The following ANKRD6 variants were observed in gnomAD, a reference collection of about 807,000 sequenced individuals.
ANKRD6 encodes ankyrin repeat domain 6, also known as ankyrin repeat domain-containing protein 6.
In ANKRD6, 56 loss-of-function variants were observed where a neutral mutation model predicts 82.3. That is an observed-to-expected ratio of 0.68 (90% CI 0.55 to 0.85). ANKRD6 has a LOEUF of 0.85. Ranked by LOEUF, ANKRD6 falls within the 40% of genes least tolerant of loss-of-function variation. The probability of loss-of-function intolerance (pLI) is 0.00; values close to 1 mark genes in which losing one functional copy is unlikely to be tolerated. For missense variants in ANKRD6, 852 were observed against 907.6 expected, an observed-to-expected ratio of 0.94 and a Z score of 0.79; for synonymous variants, 347 against 352.1, an observed-to-expected ratio of 0.99 and a Z score of 0.16.
intron 1 of ANKRD6, among the ~76,000 whole-genome samples, chr6:89,554,850 A>G (rs1786349843): frequency 6.6e-6 from 1 of 152,228 alleles, no homozygotes; most frequent in African/African-American, 2.4e-5. Flanking sequence ...CAATCCGAAG[A>G]CCAAAATTAA....
At chr6:89,566,002 T>G (rs1477272243) in intron 1 of ANKRD6, among the ~76,000 whole-genome samples, 1 of 152,252 alleles carries the variant, frequency 6.6e-6, no homozygotes, top group Admixed American at 6.5e-5. Context: ...TTTAAAATTC[T>G]CTTCATTTTG....
chr6:89,482,271 C>T (rs1197610982), intron 1 of ANKRD6, among the ~76,000 whole-genome samples: 1 of 152,184 alleles, frequency 6.6e-6, no homozygotes, highest in East Asian at 1.9e-4. Flanking sequence ...GGAATGGGAT[C>T]CAGTGAGCCA....
At chr6:89,582,051 C>CA (rs1467140686) in intron 2 of ANKRD6, among the ~76,000 whole-genome samples, 5 of 152,120 alleles carry the variant, frequency 3.3e-5, no homozygotes, top group Admixed American at 6.5e-5. Context: ...AGTTTATCAT[C>CA]AAAAATCTCT....
chr6:89,490,827 A>G (rs1395776918), intron 1 of ANKRD6, among the ~76,000 whole-genome samples: 1 of 152,102 alleles, frequency 6.6e-6, no homozygotes, highest in Non-Finnish European at 1.5e-5. Flanking sequence ...TAGTGGGTCA[A>G]ATGGTGGCCC....
chr6:89,619,642 G>C (rs1033245024), intron 9 of ANKRD6: 1 of 152,180 alleles, frequency 6.6e-6, no homozygotes, highest in Non-Finnish European at 1.5e-5. Context: ...TGCTATGAAA[G>C]TTTATTTTAT....
chr6:89,466,752 G>A (rs190174319), intron 1 of ANKRD6, among the ~76,000 whole-genome samples: 34 of 152,142 alleles, frequency 2.2e-4, no homozygotes, highest in Non-Finnish European at 4.3e-4. Flanking sequence ...TGTCACCTAG[G>A]CTAGAGTGCT....
At chr6:89,552,032 A>G (rs886527049) in intron 1 of ANKRD6, among the ~76,000 whole-genome samples, 2 of 152,254 alleles carry the variant, frequency 1.3e-5, no homozygotes, top group African/African-American at 2.4e-5. Context: ...TATGTTTGTC[A>G]TGTGACATAA....
At chr6:89,623,350 A>T (rs1302627663) in intron 10 of ANKRD6, 60 bp from the exon 11 acceptor site, 1 of 1,546,588 alleles carries the variant, frequency 6.5e-7, no homozygotes, top group East Asian at 2.3e-5. Context: ...ATTTGACCAT[A>T]TTAGTGAAAA....
intron 1 of ANKRD6, among the ~76,000 whole-genome samples, chr6:89,556,627 G>T (rs942358103): frequency 1.3e-5 from 2 of 152,188 alleles, no homozygotes; most frequent in African/African-American, 4.8e-5. Context: ...GTTAGAGACC[G>T]TTGCAATAAC....
At chr6:89,467,558 C>T (rs182303697) in intron 1 of ANKRD6, among the ~76,000 whole-genome samples, 66 of 152,310 alleles carry the variant, frequency 4.3e-4, no homozygotes, top group African/African-American at 1.5e-3. Flanking sequence ...CTGTACTTTT[C>T]AGTAGCTCCC....
At chr6:89,615,367 C>A (rs906331754) in intron 7 of ANKRD6, among the ~76,000 whole-genome samples, 2 of 152,164 alleles carry the variant, frequency 1.3e-5, no homozygotes, top group South Asian at 2.1e-4. Context: ...AGCCACTGAC[C>A]TAATCAAGTA....
At chr6:89,586,585 G>A (rs1259513113) in intron 2 of ANKRD6, among the ~76,000 whole-genome samples, 2 of 152,164 alleles carry the variant, frequency 1.3e-5, no homozygotes, top group Non-Finnish European at 2.9e-5. Flanking sequence ...TACTCGGGAG[G>A]CTGAGGCAGG....
At chr6:89,507,160 G>C (rs1364338336) in intron 1 of ANKRD6, among the ~76,000 whole-genome samples, 2 of 152,156 alleles carry the variant, frequency 1.3e-5, no homozygotes, top group Non-Finnish European at 2.9e-5. Flanking sequence ...CTGACAGGCA[G>C]ATTTTGGTTT....
intron 1 of ANKRD6, among the ~76,000 whole-genome samples, chr6:89,477,817 G>GA (rs1364864837): frequency 6.7e-6 from 1 of 148,434 alleles, no homozygotes; most frequent in Non-Finnish European, 1.5e-5. Flanking sequence ...GTGGCCAGTT[G>GA]AAAAAAATTT....
At chr6:89,507,806 TA>T (rs1780055482) in intron 1 of ANKRD6, among the ~76,000 whole-genome samples, 1 of 152,160 alleles carries the variant, frequency 6.6e-6, no homozygotes, top group Non-Finnish European at 1.5e-5. Flanking sequence ...AAAATATATA[TA>T]GTAAATGCTC....
intron 1 of ANKRD6, among the ~76,000 whole-genome samples, chr6:89,566,505 G>A (rs990555439): frequency 6.6e-6 from 1 of 152,230 alleles, no homozygotes; most frequent in Non-Finnish European, 1.5e-5. Flanking sequence ...AAGGCGGTGT[G>A]TAAACCAGGT....
At chr6:89,462,614 A>T (rs1774319097) in intron 1 of ANKRD6, among the ~76,000 whole-genome samples, 1 of 152,152 alleles carries the variant, frequency 6.6e-6, no homozygotes, top group South Asian at 2.1e-4. Context: ...TTAAGTCCTG[A>T]TCTGAGTGGG....
At position 89,495,701 on chromosome 6, in the gene ANKRD6, T is replaced by A. The variant is rs564570873; in HGVS notation, c.-144+62326T>A. ...ATCAAACAAACTCTCTCATAGGGCTTTGTAAGAATTCAATACTGTAATTTA... is the reference window on the plus strand; with the variant it reads ...ATCAAACAAACTCTCTCATAGGGCTATGTAAGAATTCAATACTGTAATTTA... On this transcript the variant is annotated intron_variant, in intron 1 of 15. Transcript: ENST00000339746. 3.9e-5 allele frequency among the ~76,000 whole-genome samples: 6 copies of A among 152,326 alleles called. No individual in the cohort carries two copies. The East Asian group carries it at 1.2e-3, about 29-fold the overall frequency.
chr6:89,580,920 G>GTA (rs1443491280), intron 2 of ANKRD6, among the ~76,000 whole-genome samples: 4 of 152,238 alleles, frequency 2.6e-5, no homozygotes, highest in African/African-American at 9.6e-5. Flanking sequence ...AGAATGTGTT[G>GTA]TATATAGCAT....
Sources: allele counts gnomAD v4.1 joint callset (sites outside exome capture counted in the v4.1 genomes callset), GRCh38; gene constraint gnomAD v4.1.1; transcripts MANE v1.5; gene names NCBI Gene and HGNC (gene_info 2026-07-23, HGNC 2026-07-21).